The following KRT3 variants were observed in gnomAD, a reference collection of about 807,000 sequenced individuals.
KRT3 encodes keratin, type II cytoskeletal 3.
In KRT3, 34 loss-of-function variants were observed where a neutral mutation model predicts 45.8. The ratio of observed to expected loss-of-function variants is 0.74; its 90% CI spans 0.57 to 0.99. The LOEUF is 0.99. Ranked by LOEUF, KRT3 falls within the 50% of genes least tolerant of loss-of-function variation. The pLI is 0.00. For synonymous variants in KRT3, 367 were observed against 329.0 expected (o/e 1.12, Z -1.25); for missense variants, 828 against 820.6 (o/e 1.01, Z -0.11).
rs1453965662 is a variant in KRT3 at position 52,790,260 on chromosome 12, C to T, written c.1669G>A (p.Gly557Ser). 1 of 1,551,376 alleles carries T rather than the reference C, an allele frequency of 6.4e-7. No homozygotes were observed. The highest frequency in any genetic ancestry group is 8.7e-7 in the Non-Finnish European group (1 of 1,147,064). Residue 557 changes from glycine (G) to serine (S), a missense_variant, in exon 9 of 9, where the codon GGC becomes AGC. Gly to Ser is a moderately conservative substitution (Grantham distance 56). Coordinates refer to ENST00000417996, the MANE Select transcript of KRT3 (RefSeq NM_057088.3). ...GGGLGGGFSA[G>S]GGSGSGFGRG... ...CCAAAGCCACTGCCTGAGCCGCCGC[C>T]CGCACTGAAGCCACCTCCTAAACCA...
chr12:52,795,640 C>A lies in KRT3; in HGVS notation c.403G>T (p.Gly135Cys), dbSNP rs976749951. The change falls in exon 1 of 9, where the codon GGT becomes TGT. Residue 135 changes from glycine to cysteine, a missense_variant. Transcript: ENST00000417996. ...AAGCCACCAGGACCACCAAAGCCAC[C>A]AGCCCCTCCAAAGCCACCAGCCCCT... The part of the protein sequence containing the change: ...FGGAGGFGGA[G>C]GFGGPGGFGG... 3 of 1,444,864 alleles carry A rather than the reference C, an allele frequency of 2.1e-6. No individual in the cohort carries two copies. Among genetic ancestry groups the A allele is most frequent in the Non-Finnish European group, 2.6e-6 (3 of 1,138,326 alleles). 89.5% of individuals were successfully genotyped at this position (1,444,864 alleles called of 1,614,324 possible).
rs774200780 is a variant in KRT3 at position 52,794,108 on chromosome 12, C to A, written c.866+3G>T. On this transcript the variant is annotated splice_donor_region_variant and intron_variant, in intron 2 of 8. Transcript: ENST00000417996. Reference sequence around the variant, plus strand: ...ATCTTCCCACTCCTGCCCTGTCACTCACTTCTTCTTGAAGTCTTCCACCAG... The same window carrying A: ...ATCTTCCCACTCCTGCCCTGTCACTAACTTCTTCTTGAAGTCTTCCACCAG... 3.1e-6 allele frequency: 5 copies of A among 1,611,614 alleles called. No individual in the cohort carries two copies. The African/African-American group carries it at 6.7e-5, about 22-fold the overall frequency.
At position 52,791,229 on chromosome 12, in the gene KRT3, C is replaced by T. The variant is rs771719628; in HGVS notation, c.1512G>A (p.Lys504=). ...ALDVEIATYR[K]LLEGEEYRMS... The stretch of plus-strand genomic sequence containing the variant: ...ACCTGTACTCCTCGCCCTCCAGCAG[C>T]TTGCGGTAGGTGGCGATCTCCACGT... The change falls in exon 7 of 9, where the codon AAG becomes AAA. Residue 504 remains lysine (K), a synonymous_variant. Coordinates refer to ENST00000417996, the MANE Select transcript of KRT3 (RefSeq NM_057088.3). 7.4e-6 allele frequency: 12 copies of T among 1,614,100 alleles called. No homozygotes were observed. The East Asian group carries it at 2.7e-4, about 36-fold the overall frequency.
At chr12:52,791,461 A>G (rs1939498733) in intron 6 of KRT3, 35 bp from the exon 7 acceptor site, 1 of 1,604,924 alleles carries the variant, frequency 6.2e-7, no homozygotes, top group African/African-American at 1.3e-5. Context: ...TGAGCTCAGT[A>G]AGAGGGCCCC....
In KRT3 at chr12:52,790,250, G is replaced by A; in HGVS notation, c.1679C>T (p.Ser560Leu). 5.8e-6 allele frequency: 9 copies of A among 1,550,564 alleles called. No individual in the cohort carries two copies. Among genetic ancestry groups the A allele is most frequent in the African/African-American group, 1.4e-5 (1 of 73,076 alleles). ...LGGGFSAGGG[S>L]GSGFGRGGGG... ...GCCTCCCCGGCCAAAGCCACTGCCTGAGCCGCCGCCCGCACTGAAGCCACC... is the reference window on the plus strand; with the variant it reads ...GCCTCCCCGGCCAAAGCCACTGCCTAAGCCGCCGCCCGCACTGAAGCCACC... Residue 560 changes from serine to leucine, a missense_variant, in exon 9 of 9, where the codon TCA (serine) becomes TTA (leucine). Coordinates refer to ENST00000417996, the MANE Select transcript of KRT3 (RefSeq NM_057088.3).
chr12:52,790,769 C>T (rs1449541596), intron 8 of KRT3, 69 bp downstream of exon 8: 4 of 1,281,822 alleles, frequency 3.1e-6, no homozygotes, highest in Non-Finnish European at 4.4e-6. Context: ...AAATTAGTTG[C>T]TACTACCCTG....
chr12:52,790,383 G>C (rs773744557), intron 8 of KRT3, 25 bp from the exon 9 acceptor site: 2 of 1,565,882 alleles, frequency 1.3e-6, no homozygotes, highest in South Asian at 1.2e-5. Flanking sequence ...ACAGGACAGC[G>C]ATCAGCGACG....
chr12:52,790,096 G>C lies in KRT3; in HGVS notation c.1833C>G (p.Gly611=), dbSNP rs540766728. ...GGGFSSASNR[G]GSIKFSQSSQ... is the part of the protein sequence containing the mutation. ...AGGACTGGGAGAACTTGATGCTGCC[G>C]CCCCGGTTGCTGGCCGAGCTGAAGC... Residue 611 remains glycine, a synonymous_variant, in exon 9 of 9, where the codon GGC becomes GGG. Coordinates refer to ENST00000417996, the MANE Select transcript of KRT3 (RefSeq NM_057088.3). 8.2e-5 allele frequency: 127 copies of C among 1,542,534 alleles called. No homozygotes were observed. The African/African-American group carries it at 1.6e-3, about 20-fold the overall frequency.
chr12:52,791,756 C>A lies in KRT3; in HGVS notation c.1249G>T (p.Glu417Ter), dbSNP rs1232654730. ...ATCATTCTGTTGAGCTCTATGATCT[C>A]GCTCTTGGTATTTCTTAGGTCATCC... ...HGDDLRNTKS[E>*]IIELNRMIQR... is the part of the protein sequence containing the mutation. Residue 417 changes from glutamate (E) to a stop codon, truncating the protein, a stop_gained, in exon 6 of 9, where the codon GAG becomes TAG. Transcript: ENST00000417996. LOFTEE classifies it high-confidence loss of function. 1.2e-6 allele frequency: 2 copies of A among 1,613,984 alleles called. No homozygotes were observed. The highest frequency in any genetic ancestry group is 1.3e-5 in the African/African-American group (1 of 74,894).
chr12:52,792,284 G>C lies in KRT3; in HGVS notation c.1143C>G (p.Ile381Met), dbSNP rs745571194. 8 of 1,614,092 alleles carry C rather than the reference G, an allele frequency of 5.0e-6. No homozygotes were observed. The highest frequency in any genetic ancestry group is 2.7e-5 in the African/African-American group (2 of 75,030). ...IAEVRAQYED[I>M]AQRSKAEAEA... is the part of the protein sequence containing the mutation. ...CAGCTTCGGCCTTGCTTCTCTGAGC[G>C]ATATCCTCATACTGTGCACGAACTT... The change falls in exon 5 of 9, where the codon ATC (isoleucine) becomes ATG (methionine). Residue 381 changes from isoleucine (I) to methionine (M), a missense_variant. Physicochemically the swap from Ile to Met is conservative, Grantham distance 10. Coordinates refer to ENST00000417996, the MANE Select transcript of KRT3 (RefSeq NM_057088.3).
At chr12:52,792,881 C>A in intron 3 of KRT3, 75 bp from the exon 4 acceptor site, 1 of 974,240 alleles carries the variant, frequency 1.0e-6, no homozygotes, top group South Asian at 1.4e-5. Flanking sequence ...CAAGAAAGAG[C>A]AGAGGGGACT....
chr12:52,789,989 C>T lies in KRT3; in HGVS notation c.*53G>A. Reference sequence around the variant, plus strand: ...GCTGGGGGTGTTGCCAATATGGGGGCGTGGGGAGCGGAGGGGAGGCGCTGG... The same window carrying T: ...GCTGGGGGTGTTGCCAATATGGGGGTGTGGGGAGCGGAGGGGAGGCGCTGG... On this transcript the variant is annotated 3_prime_UTR_variant, in exon 9 of 9. Transcript: ENST00000417996. 2 of 1,501,074 alleles carry T rather than the reference C, an allele frequency of 1.3e-6. No individual in the cohort carries two copies. The highest frequency in any genetic ancestry group is 1.8e-6 in the Non-Finnish European group (2 of 1,114,280). The allele number at this position is 1,501,074 out of a possible 1,614,324, so 93.0% of individuals were successfully genotyped here.
intron 2 of KRT3, 33 bp downstream of exon 2, chr12:52,794,078 A>G (rs775170057): frequency 6.4e-7 from 1 of 1,551,680 alleles, no homozygotes; most frequent in East Asian, 2.2e-5. Context: ...AGGGTGGGCC[A>G]TGGCATCTTC....
chr12:52,789,938 C>A lies in KRT3; in HGVS notation c.*104G>T, dbSNP rs568713655. ...GGCCACAAGCCTTCCAGCGCAGAGC[C>A]GCGTTCTTGGGGAGCATGGGGTGGC... On this transcript the variant is annotated 3_prime_UTR_variant, in exon 9 of 9. Coordinates refer to ENST00000417996, the MANE Select transcript of KRT3 (RefSeq NM_057088.3). 11 of 1,216,252 alleles carry A rather than the reference C, an allele frequency of 9.0e-6. No individual in the cohort carries two copies. In the South Asian group the frequency reaches 1.4e-4, roughly 16 times the overall value. 75.3% of individuals were successfully genotyped at this position (1,216,252 alleles called of 1,614,324 possible).
chr12:52,794,229 G>C lies in KRT3; in HGVS notation c.748C>G (p.Leu250Val), dbSNP rs1311310701. 4.3e-6 allele frequency: 7 copies of C among 1,614,168 alleles called. No homozygotes were observed. The highest frequency in any genetic ancestry group is 1.7e-5 in the Admixed American group (1 of 60,032). ...SISGTNNLEPLFENHINYLRS... is the reference protein window; with the variant it reads ...SISGTNNLEPVFENHINYLRS... ...AGGTAGTTGATGTGATTCTCAAAAAGAGGCTCAAGGTTGTTTGTGCCTGAG... is the reference window on the plus strand; with the variant it reads ...AGGTAGTTGATGTGATTCTCAAAAACAGGCTCAAGGTTGTTTGTGCCTGAG... Residue 250 changes from leucine (L) to valine (V), a missense_variant, in exon 2 of 9, where the codon CTT becomes GTT. Coordinates refer to ENST00000417996, the MANE Select transcript of KRT3 (RefSeq NM_057088.3).
chr12:52,791,664 A>G, intron 6 of KRT3, 27 bp downstream of exon 6: 1 of 1,613,816 alleles, frequency 6.2e-7, no homozygotes, highest in Non-Finnish European at 8.5e-7. Flanking sequence ...CAATCATCCC[A>G]GGTGCCAGCA....
Position 52,792,409 on chromosome 12 carries a change from A to AAC in KRT3, c.1024-8_1024-7dup. ...CTCTGCATCTGAGATAGCTCCTGTC[A>AAC]ACACAGAGGGAGCTTGTTCACTTTT... On this transcript the variant is annotated splice_region_variant and splice_polypyrimidine_tract_variant and intron_variant, in intron 4 of 8. Coordinates refer to ENST00000417996, the MANE Select transcript of KRT3 (RefSeq NM_057088.3). 6.2e-7 allele frequency: 1 copy of AAC among 1,613,578 alleles called. No individual in the cohort carries two copies. Among genetic ancestry groups the AAC allele is most frequent in the Non-Finnish European group, 8.5e-7 (1 of 1,179,968 alleles).
intron 1 of KRT3, 79 bp from the exon 2 acceptor site, chr12:52,794,410 G>A (rs1426283269): frequency 1.2e-5 from 12 of 1,033,348 alleles, no homozygotes; most frequent in Non-Finnish European, 1.6e-5. Context: ...GTAGGACTAG[G>A]TGTCTATCTC....
intron 7 of KRT3, 105 bp from the exon 8 acceptor site, chr12:52,790,977 G>T: frequency 7.6e-7 from 1 of 1,315,204 alleles, no homozygotes; most frequent in Non-Finnish European, 1.1e-6. Flanking sequence ...AGAGAAGCCT[G>T]GCAAATCAGG....
Sources: gnomAD v4.1 joint callset for allele counts on GRCh38, gnomAD v4.1.1 for gene constraint, MANE v1.5 for transcripts, NCBI Gene and HGNC (gene_info 2026-07-23, HGNC 2026-07-21) for gene names.